CADPS2: variants seen among roughly 807,000 people sequenced by gnomAD.
The protein encoded by CADPS2 is calcium-dependent secretion activator 2.
Under a neutral mutation model 172.5 loss-of-function variants are expected in CADPS2, and 93 were observed. That is an observed-to-expected ratio of 0.54 (90% confidence interval 0.46 to 0.64). CADPS2 has a LOEUF of 0.64. CADPS2 is among the 30% of genes least tolerant of loss of function. The probability of loss-of-function intolerance (pLI) is 0.00; values close to 1 mark genes in which losing one functional copy is unlikely to be tolerated. For synonymous variants in CADPS2, 546 were observed against 555.2 expected (o/e 0.98, Z 0.23); for missense variants, 1,420 against 1,565.9 (o/e 0.91, Z 1.57).
intron 28 of CADPS2, among the ~76,000 whole-genome samples, chr7:122,333,112 T>C (rs1449597779): frequency 6.6e-6 from 1 of 152,160 alleles, no homozygotes; most frequent in Non-Finnish European, 1.5e-5. Context: ...TATGTACTAG[T>C]TTGGGGTGCA....
At chr7:122,737,223 A>G (rs2092219985) in intron 1 of CADPS2, among the ~76,000 whole-genome samples, 155 bp from the exon 2 acceptor site, 1 of 152,172 alleles carries the variant, frequency 6.6e-6, no homozygotes, top group Non-Finnish European at 1.5e-5. Context: ...TACTTGTTCT[A>G]ATGGTTAGAC....
chr7:122,800,559 A>T (rs1797387520), intron 1 of CADPS2, among the ~76,000 whole-genome samples: 1 of 152,202 alleles, frequency 6.6e-6, no homozygotes, highest in African/African-American at 2.4e-5. Flanking sequence ...TAATGCTGTT[A>T]ACTGCCTGGG....
intron 9 of CADPS2, among the ~76,000 whole-genome samples, chr7:122,503,320 C>T (rs10264588): frequency 0.034 from 5,246 of 152,234 alleles, 293 homozygotes; most frequent in African/African-American, 0.12. Context: ...AGGTGTGAGC[C>T]ACTGTGCACG....
rs918401934 is a variant in CADPS2, at chr7:122,554,800, A to G, written c.1336-111T>C. The G allele has an allele frequency of 8.0e-6, 7 of 869,730 alleles. No homozygotes were observed. In the Admixed American group the frequency reaches 2.3e-4, roughly 28 times the overall value. The allele number at this position is 869,730 out of a possible 1,614,324, so 53.9% of individuals were successfully genotyped here. ...TTGAAAAAATGATGTCAACACCCAA[A>G]TGTATCCAATAAACAATTTGACTCC... On this transcript the variant is annotated intron_variant, in intron 7 of 29. Coordinates refer to ENST00000449022, the MANE Select transcript of CADPS2 (RefSeq NM_017954.11).
chr7:122,600,987 G>A (rs2072675998), intron 6 of CADPS2, among the ~76,000 whole-genome samples: 1 of 152,006 alleles, frequency 6.6e-6, no homozygotes, highest in African/African-American at 2.4e-5. Flanking sequence ...CAAAAATAAT[G>A]CACCACTTTA....
intron 6 of CADPS2, among the ~76,000 whole-genome samples, chr7:122,603,322 T>C (rs2073049292): frequency 6.6e-6 from 1 of 152,038 alleles, no homozygotes; most frequent in African/African-American, 2.4e-5. Flanking sequence ...CTTCATAAAA[T>C]AACGTTTGCA....
intron 2 of CADPS2, among the ~76,000 whole-genome samples, chr7:122,680,101 T>C (rs899149789): frequency 3.9e-5 from 6 of 152,340 alleles, no homozygotes; most frequent in Non-Finnish European, 7.4e-5. Context: ...GGCAGTTTTA[T>C]TGTTGTTGCA....
At chr7:122,697,961 G>A (rs753842678) in intron 2 of CADPS2, 1 of 1,613,444 alleles carries the variant, frequency 6.2e-7, no homozygotes, top group Admixed American at 1.7e-5. Flanking sequence ...TTTGACATTA[G>A]AACTTGCAAA....
chr7:122,384,516 C>T (rs573225038), intron 24 of CADPS2, among the ~76,000 whole-genome samples: 30 of 151,934 alleles, frequency 2.0e-4, no homozygotes, highest in African/African-American at 6.0e-4. Flanking sequence ...TCAACAATTC[C>T]GAAACTTATC....
intron 28 of CADPS2, among the ~76,000 whole-genome samples, chr7:122,330,520 C>CTCCACTGAAA (rs1491327696): frequency 6.6e-6 from 1 of 152,132 alleles, no homozygotes; most frequent in African/African-American, 2.4e-5. Flanking sequence ...GTTCAAGGCA[C>CTCCACTGAAA]CCCACTGAAA....
intron 24 of CADPS2, chr7:122,382,440 T>C (rs1002697654): frequency 6.6e-6 from 1 of 152,126 alleles, no homozygotes; most frequent in African/African-American, 2.4e-5. Flanking sequence ...GTTAAAACAT[T>C]CTAAGATCAG....
intron 3 of CADPS2, among the ~76,000 whole-genome samples, chr7:122,638,623 A>T (rs765928128): frequency 6.6e-6 from 1 of 151,162 alleles, no homozygotes; most frequent in Non-Finnish European, 1.5e-5. Context: ...CTCTGCAAAA[A>T]CTCTGGGTAG....
At chr7:122,687,250 T>G (rs1035192588) in intron 2 of CADPS2, among the ~76,000 whole-genome samples, 22 of 152,280 alleles carry the variant, frequency 1.4e-4, no homozygotes, top group African/African-American at 5.1e-4. Context: ...AACTCCTTTT[T>G]CTTTCCTAAT....
intron 6 of CADPS2, among the ~76,000 whole-genome samples, chr7:122,599,493 T>C (rs2072417517): frequency 6.6e-6 from 1 of 152,020 alleles, no homozygotes; most frequent in South Asian, 2.1e-4. Context: ...TCCTTACAGC[T>C]AGAAATACCA....
chr7:122,710,790 A>T (rs1245503101), intron 2 of CADPS2, among the ~76,000 whole-genome samples: 1 of 151,996 alleles, frequency 6.6e-6, no homozygotes, highest in Admixed American at 6.6e-5. Flanking sequence ...CAGTCATTTA[A>T]TTTTGCCTTA....
At chr7:122,810,670 G>C (rs1799832501) in intron 1 of CADPS2, among the ~76,000 whole-genome samples, 1 of 152,094 alleles carries the variant, frequency 6.6e-6, no homozygotes, top group Admixed American at 6.6e-5. Flanking sequence ...CTGGGGCTCA[G>C]GAATTTGCTT....
intron 1 of CADPS2, among the ~76,000 whole-genome samples, chr7:122,881,698 G>A (rs1373711278): frequency 6.6e-6 from 1 of 152,042 alleles, no homozygotes; most frequent in Non-Finnish European, 1.5e-5. Flanking sequence ...CATACTATGG[G>A]GCTTCAACAC....
rs2076359618 is a variant in CADPS2, at chr7:122,629,334, A to T, written c.787-6T>A. ...TGTTCATCTGCGTTATCCAGCTTAA[A>T]AATAAAACAGAAGTTACACATATGT... On this transcript the variant is annotated splice_polypyrimidine_tract_variant and splice_region_variant and intron_variant, in intron 3 of 29. Coordinates refer to ENST00000449022, the MANE Select transcript of CADPS2 (RefSeq NM_017954.11). 1.2e-6 allele frequency: 2 copies of T among 1,601,800 alleles called. No individual in the cohort carries two copies. The highest frequency in any genetic ancestry group is 2.2e-5 in the East Asian group (1 of 44,588).
At chr7:122,423,853 T>G (rs1450674687) in intron 17 of CADPS2, among the ~76,000 whole-genome samples, 2 of 152,216 alleles carry the variant, frequency 1.3e-5, no homozygotes, top group Non-Finnish European at 2.9e-5. Flanking sequence ...CTCATGATGC[T>G]GGTGTAGGGA....
Sources: allele counts gnomAD v4.1 joint callset (sites outside exome capture counted in the v4.1 genomes callset), GRCh38; gene constraint gnomAD v4.1.1; transcripts MANE v1.5; gene names NCBI Gene and HGNC (gene_info 2026-07-23, HGNC 2026-07-21).